FAM241A: variants seen among roughly 807,000 people sequenced by gnomAD.
The protein encoded by FAM241A is uncharacterized protein FAM241A.
In FAM241A, 7 loss-of-function variants were observed where a neutral mutation model predicts 12.2. The observed-to-expected ratio is 0.58, with a 90% CI of 0.33 to 1.08. The LOEUF (loss-of-function observed/expected upper bound fraction) is 1.08, where lower values mean the gene tolerates loss of function less well. Among genes scored for constraint, FAM241A ranks in the 50% least tolerant of loss-of-function variants. The probability of loss-of-function intolerance (pLI) is 0.04; values close to 1 mark genes in which losing one functional copy is unlikely to be tolerated. For synonymous variants in FAM241A, 74 were observed against 68.2 expected (o/e 1.08, Z -0.42); for missense variants, 161 against 169.7 (o/e 0.95, Z 0.29).
At chr4:112,156,261 C>T (rs1408462802) in intron 1 of FAM241A, among the ~76,000 whole-genome samples, 1 of 152,086 alleles carries the variant, frequency 6.6e-6, no homozygotes, top group Non-Finnish European at 1.5e-5. Context: ...TGGAACTCTT[C>T]CCCCAGATCT....
rs890361114 is a variant in FAM241A, at chr4:112,194,325, T to C, written c.*7387T>C. ...ACAATTTGACTTCCTCTTTTCCTAA[T>C]TGAATACTTTTTACTTCCTTCTCCT... is the stretch of plus-strand genomic sequence containing the variant. On this transcript the variant is annotated 3_prime_UTR_variant, in exon 2 of 2. Transcript: ENST00000309733. The C allele has an allele frequency of 1.3e-5, 2 of 152,206 alleles. No individual in the cohort carries two copies. Among genetic ancestry groups the C allele is most frequent in the Non-Finnish European group, 2.9e-5 (2 of 68,080 alleles). The allele number at this position is 152,206 out of a possible 1,614,324, so 9.4% of individuals were successfully genotyped here. A position where few individuals can be genotyped will look rare whatever the true frequency, so the allele number is the denominator to read the frequency against.
chr4:112,169,326 C>T (rs1188344329), intron 1 of FAM241A, among the ~76,000 whole-genome samples: 2 of 152,310 alleles, frequency 1.3e-5, no homozygotes, highest in Non-Finnish European at 1.5e-5. Context: ...TCATCAAACA[C>T]ACAAACTAAT....
rs1724135714 is a variant in FAM241A at position 112,190,151 on chromosome 4, G to A, written c.*3213G>A. On this transcript the variant is annotated 3_prime_UTR_variant, in exon 2 of 2. Transcript: ENST00000309733. ...CTGTAAATCCACTAAAGACTATCCA[G>A]GCAATCAGGAAAGGCAAAACTTACA... is the stretch of plus-strand genomic sequence containing the variant. 6.6e-6 allele frequency: 1 copy of A among 151,888 alleles called. No individual in the cohort carries two copies. Among genetic ancestry groups the A allele is most frequent in the African/African-American group, 2.4e-5 (1 of 41,314 alleles). 9.4% of individuals were successfully genotyped at this position (151,888 alleles called of 1,614,324 possible).
rs1026537272 is a variant in FAM241A at position 112,192,667 on chromosome 4, G to A, written c.*5729G>A. The A allele has an allele frequency of 6.6e-6, 1 of 151,500 alleles. No individual in the cohort carries two copies. Among genetic ancestry groups the A allele is most frequent in the Non-Finnish European group, 1.5e-5 (1 of 67,940 alleles). The allele number at this position is 151,500 out of a possible 1,614,324, so 9.4% of individuals were successfully genotyped here. A position where few individuals can be genotyped will look rare whatever the true frequency, so the allele number is the denominator to read the frequency against. The stretch of plus-strand genomic sequence containing the variant: ...CAATTTCATCCATGTCCCTACAAAG[G>A]ACATGAACTCATCCTTTTTTATGGC... On this transcript the variant is annotated 3_prime_UTR_variant, in exon 2 of 2. Coordinates refer to ENST00000309733, the MANE Select transcript of FAM241A (RefSeq NM_152400.3).
At chr4:112,162,501 T>A (rs1297817991) in intron 1 of FAM241A, among the ~76,000 whole-genome samples, 1 of 152,106 alleles carries the variant, frequency 6.6e-6, no homozygotes, top group Non-Finnish European at 1.5e-5. Flanking sequence ...TCACAAGCAT[T>A]CCTCCACACC....
intron 1 of FAM241A, among the ~76,000 whole-genome samples, chr4:112,173,530 T>A (rs1578376708): frequency 6.6e-6 from 1 of 152,132 alleles, no homozygotes; most frequent in East Asian, 1.9e-4. Flanking sequence ...CACTTAATGA[T>A]ATGTGTGAAA....
intron 1 of FAM241A, among the ~76,000 whole-genome samples, chr4:112,153,403 A>C (rs527300601): frequency 2.8e-4 from 42 of 152,324 alleles, no homozygotes; most frequent in Admixed American, 9.8e-4. Context: ...TGTGTTCTTT[A>C]AGACTTAGCA....
In FAM241A at chr4:112,191,017, T is replaced by C. The variant is rs1724156204; in HGVS notation, c.*4079T>C. 1 of 152,218 alleles carries C rather than the reference T, an allele frequency of 6.6e-6. No individual in the cohort carries two copies. The highest frequency in any genetic ancestry group is 2.4e-5 in the African/African-American group (1 of 41,448). The allele number at this position is 152,218 out of a possible 1,614,324, so 9.4% of individuals were successfully genotyped here. A position where few individuals can be genotyped will look rare whatever the true frequency, so the allele number is the denominator to read the frequency against. ...TTTAAGACTCCTACATTCAATTGCTTGCCCAATATTTATTTGCATTTGGTT... is the reference window on the plus strand; with the variant it reads ...TTTAAGACTCCTACATTCAATTGCTCGCCCAATATTTATTTGCATTTGGTT... On this transcript the variant is annotated 3_prime_UTR_variant, in exon 2 of 2. Transcript: ENST00000309733.
chr4:112,155,530 T>A (rs1723334465), intron 1 of FAM241A, among the ~76,000 whole-genome samples: 1 of 151,554 alleles, frequency 6.6e-6, no homozygotes, highest in Non-Finnish European at 1.5e-5. Context: ...AGTTATAAAT[T>A]ATATAATATA....
At chr4:112,171,018 TA>T (rs1372589866) in intron 1 of FAM241A, among the ~76,000 whole-genome samples, 1 of 152,140 alleles carries the variant, frequency 6.6e-6, no homozygotes, top group Non-Finnish European at 1.5e-5. Context: ...TTTTTATTTT[TA>T]AGAAAAGATG....
intron 1 of FAM241A, among the ~76,000 whole-genome samples, chr4:112,175,765 C>CA (rs534904273): frequency 4.5e-3 from 627 of 139,794 alleles, no homozygotes; most frequent in African/African-American, 0.015. Flanking sequence ...GAGACTATCT[C>CA]AAAAAAAAAA....
chr4:112,150,078 T>C (rs1293156586), intron 1 of FAM241A, among the ~76,000 whole-genome samples: 1 of 152,064 alleles, frequency 6.6e-6, no homozygotes, highest in Non-Finnish European at 1.5e-5. Context: ...TGTTTTCTTT[T>C]GTATGTGTGC....
At chr4:112,172,370 C>G (rs1723740978) in intron 1 of FAM241A, among the ~76,000 whole-genome samples, 1 of 152,190 alleles carries the variant, frequency 6.6e-6, no homozygotes. Context: ...TTGCAGGTGA[C>G]TAAATTCTGA....
chr4:112,164,947 CAA>C (rs1188676142), intron 1 of FAM241A, among the ~76,000 whole-genome samples: 2 of 152,116 alleles, frequency 1.3e-5, no homozygotes, highest in East Asian at 3.9e-4. Flanking sequence ...CCCATCTCTC[CAA>C]AAAATACAAA....
intron 1 of FAM241A, among the ~76,000 whole-genome samples, chr4:112,176,856 A>G (rs529307140): frequency 6.6e-6 from 1 of 152,302 alleles, no homozygotes; most frequent in East Asian, 1.9e-4. Context: ...TTCCATTGGG[A>G]CCTCACATAC....
intron 1 of FAM241A, among the ~76,000 whole-genome samples, chr4:112,148,243 TGTCTGAAAG>T (rs1409028694): frequency 6.6e-6 from 1 of 152,154 alleles, no homozygotes; most frequent in African/African-American, 2.4e-5. Context: ...TTTCCACTTC[TGTCTGAAAG>T]GTTCATTCCT....
rs1372422025 is a variant in FAM241A, at chr4:112,160,406, A to AC, written c.153+14673_153+14674insC. 1.2e-4 allele frequency among the ~76,000 whole-genome samples: 18 copies of AC among 147,970 alleles called. No individual in the cohort carries two copies. In the East Asian group the frequency reaches 3.5e-3, roughly 29 times the overall value. ...GGTAACAGAGCAAAACTCCATCTCA[A>AC]AAAAAAAAAAAAAGGAAAGATATTG... On this transcript the variant is annotated intron_variant, in intron 1 of 1. Transcript: ENST00000309733.
intron 1 of FAM241A, among the ~76,000 whole-genome samples, chr4:112,181,137 T>C (rs958896352): frequency 3.3e-5 from 5 of 152,088 alleles, no homozygotes; most frequent in Non-Finnish European, 1.5e-5. Context: ...TGGAACTGAG[T>C]AGGTAGAATT....
rs529187809 is a variant in FAM241A, at chr4:112,188,718, ACTTTTC to A, written c.*1785_*1790del. 6.6e-5 allele frequency: 10 copies of A among 152,294 alleles called. No homozygotes were observed. The highest frequency in any genetic ancestry group is 2.2e-4 in the African/African-American group (9 of 41,570). 9.4% of individuals were successfully genotyped at this position (152,294 alleles called of 1,614,324 possible). ...TTTTTCTAATGCTACTGGAAATTTTACTTTTCCTTTGCAACACATAAATGATATGAT... is the reference window on the plus strand; with the variant it reads ...TTTTTCTAATGCTACTGGAAATTTTACTTTGCAACACATAAATGATATGAT... On this transcript the variant is annotated 3_prime_UTR_variant, in exon 2 of 2. Transcript: ENST00000309733.
Sources: allele counts gnomAD v4.1 joint callset (sites outside exome capture counted in the v4.1 genomes callset), GRCh38; gene constraint gnomAD v4.1.1; transcripts MANE v1.5; gene names NCBI Gene and HGNC (gene_info 2026-07-23, HGNC 2026-07-21).